Variants in COMMD10 observed in about 807,000 individuals in gnomAD.
COMMD10 encodes the protein COMM domain containing 10.
In COMMD10, 33 loss-of-function variants were observed where a neutral mutation model predicts 28.9. That is an observed-to-expected ratio of 1.14 (90% CI 0.87 to 1.53). The LOEUF (loss-of-function observed/expected upper bound fraction) is 1.53, where lower values mean the gene tolerates loss of function less well. COMMD10 is among the 40% of genes most tolerant of loss of function. The pLI is 0.00. For missense variants in COMMD10, 310 were observed against 233.4 expected, an observed-to-expected ratio of 1.33 and a Z score of -2.14; for synonymous variants, 110 against 81.7, an observed-to-expected ratio of 1.35 and a Z score of -1.87.
At chr5:116,113,179 G>A (rs952860589) in intron 4 of COMMD10, among the ~76,000 whole-genome samples, 3 of 152,096 alleles carry the variant, frequency 2.0e-5, no homozygotes, top group African/African-American at 7.2e-5. Context: ...CTGCTGGGTA[G>A]TCTGCTGTTA....
At position 116,096,335 on chromosome 5, in the gene COMMD10, C is replaced by CT. The variant is rs556437193; in HGVS notation, c.399+3646dup. On this transcript the variant is annotated intron_variant, in intron 4 of 6. Transcript: ENST00000274458. ...TTTGTACCTTAAGTACTTTTTCTTT[C>CT]TTTTTTTTTTTGTTGTTGAACTATT... Among the ~76,000 whole-genome samples the CT allele has an allele frequency of 5.2e-3, 723 of 140,304 alleles. 1 individual carries two copies. Among genetic ancestry groups the CT allele is most frequent in the Middle Eastern group, 0.011 (3 of 262 alleles). The allele number at this position is 140,304 out of a possible 152,430, so 92.0% of individuals were successfully genotyped here. A position where few individuals can be genotyped will look rare whatever the true frequency, so the allele number is the denominator to read the frequency against.
chr5:116,230,833 T>A (rs921044890), intron 5 of COMMD10, among the ~76,000 whole-genome samples: 1 of 151,956 alleles, frequency 6.6e-6, no homozygotes, highest in African/African-American at 2.4e-5. Flanking sequence ...TCCAAATACA[T>A]GATATATAGA....
intron 5 of COMMD10, among the ~76,000 whole-genome samples, chr5:116,215,193 C>A (rs1229668366): frequency 6.6e-6 from 1 of 151,588 alleles, no homozygotes; most frequent in African/African-American, 2.4e-5. Context: ...GTGTTTGAAT[C>A]GGCAAATGGG....
At chr5:116,262,586 A>C (rs1750478923) in intron 5 of COMMD10, among the ~76,000 whole-genome samples, 1 of 151,858 alleles carries the variant, frequency 6.6e-6, no homozygotes, top group Non-Finnish European at 1.5e-5. Context: ...TTATGTTTAA[A>C]TGTGTAAGTC....
At chr5:116,209,699 C>T (rs140827132) in intron 5 of COMMD10, among the ~76,000 whole-genome samples, 43 of 152,014 alleles carry the variant, frequency 2.8e-4, no homozygotes, top group East Asian at 3.9e-4. Context: ...GAAGTCATAG[C>T]GTGCTTGTTA....
chr5:116,214,887 A>G (rs1451659400), intron 5 of COMMD10, among the ~76,000 whole-genome samples: 2 of 152,096 alleles, frequency 1.3e-5, no homozygotes, highest in Admixed American at 6.5e-5. Context: ...TTATAATCCT[A>G]ACTGTTAGCT....
At chr5:116,224,248 G>A (rs1243285977) in intron 5 of COMMD10, among the ~76,000 whole-genome samples, 1 of 152,104 alleles carries the variant, frequency 6.6e-6, no homozygotes, top group Non-Finnish European at 1.5e-5. Flanking sequence ...ACTTCAGTTG[G>A]GAATTCGTTT....
chr5:116,127,899 C>T (rs1210178956), intron 4 of COMMD10, among the ~76,000 whole-genome samples: 1 of 151,790 alleles, frequency 6.6e-6, no homozygotes, highest in East Asian at 1.9e-4. Flanking sequence ...ACGTTGTGCA[C>T]ATGTACCCTA....
intron 5 of COMMD10, among the ~76,000 whole-genome samples, chr5:116,213,640 T>A (rs575345169): frequency 6.6e-6 from 1 of 152,260 alleles, no homozygotes; most frequent in East Asian, 1.9e-4. Flanking sequence ...TCTTTTACAT[T>A]GAGTTACCAT....
rs1751404216 is a variant in COMMD10, at chr5:116,292,752, A to T, written c.*263A>T. On this transcript the variant is annotated 3_prime_UTR_variant, in exon 7 of 7. Coordinates refer to ENST00000274458, the MANE Select transcript of COMMD10 (RefSeq NM_016144.4). ...TAAAGGAAACAAAAGTGAATACCAT[A>T]TTGTTTTTACTGTCATAGTGTTGCT... 1.5e-5 allele frequency: 6 copies of T among 411,492 alleles called. No homozygotes were observed. In the South Asian group the frequency reaches 6.1e-4, roughly 42 times the overall value. The allele number at this position is 411,492 out of a possible 1,614,324, so 25.5% of individuals were successfully genotyped here.
At chr5:116,085,197 C>G in intron 1 of COMMD10, 104 bp downstream of exon 1, 1 of 458,320 alleles carries the variant, frequency 2.2e-6, no homozygotes, top group Non-Finnish European at 4.1e-6. Context: ...CCGCGGCGGG[C>G]CCGGTTGAGT....
intron 5 of COMMD10, among the ~76,000 whole-genome samples, chr5:116,163,445 C>G (rs190878534): frequency 0.029 from 2,804 of 95,810 alleles, 95 homozygotes; most frequent in African/African-American, 0.18. Context: ...AAAAAAAAAG[C>G]CAGGCTTGGT....
intron 5 of COMMD10, among the ~76,000 whole-genome samples, chr5:116,185,124 T>C (rs779703545): frequency 2.0e-5 from 3 of 152,154 alleles, no homozygotes; most frequent in Non-Finnish European, 4.4e-5. Context: ...TACAAGTTCC[T>C]CGTTATTTCT....
intron 5 of COMMD10, among the ~76,000 whole-genome samples, chr5:116,177,926 T>C (rs1580523674): frequency 6.6e-6 from 1 of 152,182 alleles, no homozygotes; most frequent in South Asian, 2.1e-4. Flanking sequence ...ACGTTTATTA[T>C]CTGAACAAAT....
intron 5 of COMMD10, among the ~76,000 whole-genome samples, chr5:116,144,097 T>C (rs755061582): frequency 6.6e-6 from 1 of 151,844 alleles, no homozygotes; most frequent in South Asian, 2.1e-4. Flanking sequence ...GTCAGGTTTG[T>C]AGTCTGAGAC....
chr5:116,113,000 G>A (rs1288213544), intron 4 of COMMD10, among the ~76,000 whole-genome samples: 1 of 152,086 alleles, frequency 6.6e-6, no homozygotes, highest in Non-Finnish European at 1.5e-5. Context: ...ATTTCCTGTA[G>A]GACTGGTCTA....
In COMMD10 at chr5:116,241,583, C is replaced by CTTATGTAT. The variant is rs150574868; in HGVS notation, c.511-49930_511-49929insGTATTTAT. ...TCTCTATCCTCTTACACTCTGCTTT[C>CTTATGTAT]TTATTTATTTATTTATTTATTTATT... On this transcript the variant is annotated intron_variant, in intron 5 of 6. Coordinates refer to ENST00000274458, the MANE Select transcript of COMMD10 (RefSeq NM_016144.4). 1.7e-3 allele frequency among the ~76,000 whole-genome samples: 245 copies of CTTATGTAT among 140,506 alleles called. 1 individual carries two copies. The highest frequency in any genetic ancestry group is 7.4e-3 in the Middle Eastern group (2 of 272). The allele number at this position is 140,506 out of a possible 152,430, so 92.2% of individuals were successfully genotyped here.
chr5:116,122,885 G>A lies in COMMD10; in HGVS notation c.400-11183G>A, dbSNP rs142090635. On this transcript the variant is annotated intron_variant, in intron 4 of 6. Coordinates refer to ENST00000274458, the MANE Select transcript of COMMD10 (RefSeq NM_016144.4). ...GCTTAAGGAGATTTTGGGCTGAGAC[G>A]ATGGGGTTTTCTAAATATACAGTCA... 3.4e-4 allele frequency among the ~76,000 whole-genome samples: 52 copies of A among 152,216 alleles called. 1 individual carries two copies. In the South Asian group the frequency reaches 9.8e-3, roughly 29 times the overall value.
At chr5:116,289,360 C>G (rs969824350) in intron 5 of COMMD10, among the ~76,000 whole-genome samples, 4 of 151,868 alleles carry the variant, frequency 2.6e-5, no homozygotes, top group African/African-American at 4.9e-5. Context: ...TGAAAGACAA[C>G]TACCTCCCCT....
Sources: gnomAD v4.1 joint callset for allele counts (sites outside exome capture counted in the v4.1 genomes callset) on GRCh38, gnomAD v4.1.1 for gene constraint, MANE v1.5 for transcripts, NCBI Gene and HGNC (gene_info 2026-07-23, HGNC 2026-07-21) for gene names.